CFAP46: variants seen among roughly 807,000 people sequenced by gnomAD.
CFAP46 encodes the protein cilia- and flagella-associated protein 46.
In CFAP46, 245 loss-of-function variants were observed where a neutral mutation model predicts 325.7. The observed-to-expected ratio is 0.75, with a 90% CI of 0.68 to 0.84. The LOEUF is 0.84. CFAP46 is among the 40% of genes least tolerant of loss of function. CFAP46 has a pLI of 0.00. For missense variants in CFAP46, 3,346 were observed against 3,543.0 expected (o/e 0.94, Z 1.41); for synonymous variants, 1,523 against 1,495.9 (o/e 1.02, Z -0.42).
rs1464921133 is a variant in CFAP46 at position 132,836,187 on chromosome 10, G to A, written c.6568C>T (p.Pro2190Ser). The A allele has an allele frequency of 2.5e-6, 4 of 1,610,840 alleles. No individual in the cohort carries two copies. The Admixed American group carries it at 5.0e-5, about 20-fold the overall frequency. The change falls in exon 46 of 58, where the codon CCC becomes TCC. Residue 2190 changes from proline to serine, a missense_variant. Transcript: ENST00000368586. ...CCTTTGGCTGCAGTAATGAACTTGGGTTTCTCGTAGGCAGCGCCGTACAGA... is the reference window on the plus strand; with the variant it reads ...CCTTTGGCTGCAGTAATGAACTTGGATTTCTCGTAGGCAGCGCCGTACAGA... ...SRLYGAAYEK[P>S]KFITAAKGKV...
At chr10:132,812,399 A>G (rs2387069) in intron 55 of CFAP46, among the ~76,000 whole-genome samples, 112,212 of 152,094 alleles carry the variant, frequency 0.74, 42,687 homozygotes, top group African/African-American at 0.93. Context: ...CCCACGATTA[A>G]ACTAGAGGCC....
At position 132,933,248 on chromosome 10, in the gene CFAP46, G is replaced by A. The variant is rs553896492; in HGVS notation, c.866+1504C>T. Among the ~76,000 whole-genome samples, 4 of 152,174 alleles carry A rather than the reference G, an allele frequency of 2.6e-5. No homozygotes were observed. The East Asian group carries it at 7.7e-4, about 29-fold the overall frequency. On this transcript the variant is annotated intron_variant, in intron 8 of 57. Transcript: ENST00000368586. ...CTGCTGTTGGGCCCTCTCAGGTCCT[G>A]GCAGGCCTGGCATCACAACACTGGC...
intron 19 of CFAP46, 66 bp downstream of exon 19, chr10:132,912,589 C>G: frequency 7.0e-7 from 1 of 1,430,264 alleles, no homozygotes; most frequent in South Asian, 1.3e-5. Flanking sequence ...CCTCTCCTCT[C>G]TCTCTCTCCT....
chr10:132,915,492 G>C (rs981939166), intron 17 of CFAP46, among the ~76,000 whole-genome samples: 1 of 152,268 alleles, frequency 6.6e-6, no homozygotes, highest in African/African-American at 2.4e-5. Context: ...GTGGCTCCAG[G>C]CGTGCATGGC....
At chr10:132,912,917 G>C (rs1019744699) in intron 18 of CFAP46, 97 bp from the exon 19 acceptor site, 1 of 1,492,380 alleles carries the variant, frequency 6.7e-7, no homozygotes, top group Non-Finnish European at 9.0e-7. Flanking sequence ...GGCCTGAGAT[G>C]CACGGGTGCC....
Position 132,885,102 on chromosome 10 carries a change from C to A in CFAP46, c.3627+1G>T, listed in dbSNP as rs530992850. On this transcript the variant is annotated splice_donor_variant, in intron 27 of 57. Transcript: ENST00000368586. LOFTEE classifies it high-confidence loss of function. ...GTGCACCCACGCTTACGGCTTCACA[C>A]CTGCAAGGCCTGGATGGCGTTGTTG... 4 of 1,543,556 alleles carry A rather than the reference C, an allele frequency of 2.6e-6. No individual in the cohort carries two copies. The highest frequency in any genetic ancestry group is 3.5e-6 in the Non-Finnish European group (4 of 1,142,996).
chr10:132,836,554 C>T (rs559244943), intron 45 of CFAP46, among the ~76,000 whole-genome samples: 24 of 152,324 alleles, frequency 1.6e-4, no homozygotes, highest in African/African-American at 5.3e-4. Context: ...CAGTGACCTT[C>T]GGGTCCGGAC....
chr10:132,815,070 G>A (rs776038375), intron 50 of CFAP46, among the ~76,000 whole-genome samples, 156 bp from the exon 51 acceptor site: 10 of 152,038 alleles, frequency 6.6e-5, no homozygotes, highest in Admixed American at 1.3e-4. Context: ...TAAAGTTGAC[G>A]TGGCAATAAC....
At chr10:132,837,192 T>C in intron 44 of CFAP46, 1 of 450,098 alleles carries the variant, frequency 2.2e-6, no homozygotes, top group East Asian at 4.1e-5. Context: ...TGACGCAAAG[T>C]GCATGTTCAC....
rs757045994 is a variant in CFAP46, at chr10:132,919,374, G to C, written c.1799C>G (p.Ala600Gly). The change falls in exon 15 of 58, where the codon GCG becomes GGG. Residue 600 changes from alanine (A) to glycine (G), a missense_variant. Ala to Gly is a moderately conservative substitution (Grantham distance 60). Transcript: ENST00000368586. The surrounding 1 kb of genome is among the most constrained non-coding windows in gnomAD (Gnocchi z 9.7). Reference sequence around the variant, plus strand: ...GTCATACAGGAGGCAGAAGCGGCTCGCCGTCCGACAGACGTCCCACACGCC... The same window carrying C: ...GTCATACAGGAGGCAGAAGCGGCTCCCCGTCCGACAGACGTCCCACACGCC... ...KQGVWDVCRT[A>G]SRFCLLYDNV... is the part of the protein sequence containing the mutation. 6.5e-7 allele frequency: 1 copy of C among 1,550,002 alleles called. No individual in the cohort carries two copies. The highest frequency in any genetic ancestry group is 8.7e-7 in the Non-Finnish European group (1 of 1,146,884).
intron 5 of CFAP46, 127 bp downstream of exon 5, chr10:132,938,462 A>T (rs1239782148): frequency 5.6e-6 from 5 of 893,396 alleles, no homozygotes; most frequent in Non-Finnish European, 8.6e-6. Flanking sequence ...ACTGTGGGAG[A>T]GAACGCACAT....
chr10:132,821,260 CGCTGATGTGTGCTGTGTGAGT>C (rs1383274518), intron 50 of CFAP46, among the ~76,000 whole-genome samples: 6 of 74,770 alleles, frequency 8.0e-5, no homozygotes, highest in African/African-American at 1.2e-4. Flanking sequence ...GCTGTGTGAG[CGCTGATGTGTGCTGTGTGAGT>C]GCTGATGTGT....
intron 47 of CFAP46, 93 bp downstream of exon 47, chr10:132,835,211 C>T: frequency 2.0e-6 from 3 of 1,528,772 alleles, no homozygotes; most frequent in Non-Finnish European, 2.6e-6. Context: ...GGCCTAGCGC[C>T]CCGCCCCTCC....
chr10:132,933,221 C>A (rs1177413602), intron 8 of CFAP46, among the ~76,000 whole-genome samples: 3 of 152,218 alleles, frequency 2.0e-5, no homozygotes. Flanking sequence ...CCTCCCCCTG[C>A]TCTGCTGTTG....
At chr10:132,850,853 T>G (rs1848528702) in intron 40 of CFAP46, among the ~76,000 whole-genome samples, 1 of 152,144 alleles carries the variant, frequency 6.6e-6, no homozygotes. Context: ...ACGAATTAAT[T>G]AGAGCAAATT....
chr10:132,834,072 G>T lies in CFAP46; in HGVS notation c.6918C>A (p.Asp2306Glu). Residue 2306 changes from aspartate (D) to glutamate (E), a missense_variant, in exon 49 of 58, where the codon GAC (aspartate) becomes GAA (glutamate). By Grantham distance (45) the Asp-to-Glu change is conservative (BLOSUM62 2). Coordinates refer to ENST00000368586, the MANE Select transcript of CFAP46 (RefSeq NM_001200049.3). ...VADSGKSKGKDKERKTSTGQH... is the reference protein window; with the variant it reads ...VADSGKSKGKEKERKTSTGQH... ...GTCCTGTGGACGTTTTCCTCTCCTTGTCTTTGCCCTTCGACTTCCCTGAAT... is the reference window on the plus strand; with the variant it reads ...GTCCTGTGGACGTTTTCCTCTCCTTTTCTTTGCCCTTCGACTTCCCTGAAT... The T allele has an allele frequency of 6.2e-7, 1 of 1,614,094 alleles. No individual in the cohort carries two copies. The highest frequency in any genetic ancestry group is 8.5e-7 in the Non-Finnish European group (1 of 1,179,978).
At position 132,857,751 on chromosome 10, in the gene CFAP46, T is replaced by G; in HGVS notation, c.5413A>C (p.Thr1805Pro). 6.3e-7 allele frequency: 1 copy of G among 1,583,816 alleles called. No homozygotes were observed. Among genetic ancestry groups the G allele is most frequent in the Non-Finnish European group, 8.6e-7 (1 of 1,166,328 alleles). ...CCATACGCTTCCAAGTAATACGCAGTTTTTTGTTCTTCATCTTTCTCGTTC... is the reference window on the plus strand; with the variant it reads ...CCATACGCTTCCAAGTAATACGCAGGTTTTTGTTCTTCATCTTTCTCGTTC... ...AQNEKDEEQKTAYYLEAYGLA... is the reference protein window; with the variant it reads ...AQNEKDEEQKPAYYLEAYGLA... The change falls in exon 39 of 58, where the codon ACT becomes CCT. Residue 1805 changes from threonine (T) to proline (P), a missense_variant. Transcript: ENST00000368586.
At chr10:132,926,088 G>C (rs899200760) in intron 10 of CFAP46, among the ~76,000 whole-genome samples, 4 of 152,256 alleles carry the variant, frequency 2.6e-5, no homozygotes, top group Non-Finnish European at 5.9e-5. Flanking sequence ...TCCAGAGCCT[G>C]TCGTCTCAGA....
intron 55 of CFAP46, 146 bp downstream of exon 55, chr10:132,812,639 T>G (rs1341828247): frequency 1.7e-6 from 1 of 592,692 alleles, no homozygotes; most frequent in Admixed American, 2.9e-5. Context: ...AGGAGGGGCC[T>G]GCAGTCACAG....
Sources: gnomAD v4.1 joint callset for allele counts (sites outside exome capture counted in the v4.1 genomes callset) on GRCh38, gnomAD v4.1.1 for gene constraint, Gnocchi (gnomAD v3.1) non-coding constraint, MANE v1.5 for transcripts, NCBI Gene and HGNC (gene_info 2026-07-23, HGNC 2026-07-21) for gene names.